Variants in TENM3 observed in about 807,000 individuals in gnomAD.
TENM3 encodes the protein teneurin transmembrane protein 3, also known as teneurin-3.
Under a neutral mutation model 255.1 loss-of-function variants are expected in TENM3, and 63 were observed. The observed-to-expected ratio is 0.25, with a 90% CI of 0.20 to 0.30. The LOEUF (loss-of-function observed/expected upper bound fraction) is 0.30. TENM3 is among the 10% of genes least tolerant of loss of function. The pLI is 1.00. For synonymous variants in TENM3, 1,306 were observed against 1,322.3 expected (o/e 0.99, Z 0.27); for missense variants, 2,929 against 3,461.1 (o/e 0.85, Z 3.86).
At chr4:182,349,931 T>C in intron 3 of TENM3, 1 of 261,884 alleles carries the variant, frequency 3.8e-6, no homozygotes, top group South Asian at 3.8e-5. Flanking sequence ...GGAAACGAAT[T>C]TAAGAGCCAG....
the TENM3 span, among the ~76,000 whole-genome samples, chr4:181,668,505 T>G: frequency 1.3e-5 from 2 of 152,036 alleles, no homozygotes; most frequent in Non-Finnish European, 2.9e-5. Context: ...CTGCTACGGG[T>G]CTCTCTCCTA....
intron 1 of TENM3, among the ~76,000 whole-genome samples, chr4:182,159,452 G>GTT (rs1184872626): frequency 2.3e-4 from 1 of 4,382 alleles, no homozygotes; most frequent in Non-Finnish European, 7.8e-4. Context: ...GTATGAGTGT[G>GTT]TGTGTGTGTG....
chr4:182,454,751 A>C (rs1370770172), intron 3 of TENM3, among the ~76,000 whole-genome samples: 1 of 152,192 alleles, frequency 6.6e-6, no homozygotes, highest in Non-Finnish European at 1.5e-5. Context: ...TTTTATATCA[A>C]CTCCAATAAA....
chr4:181,462,398 G>C, the TENM3 span, among the ~76,000 whole-genome samples: 810 of 152,270 alleles, frequency 5.3e-3, 7 homozygotes, highest in African/African-American at 0.018. Flanking sequence ...TACCAGTAAG[G>C]TGGTTTGGCT....
intron 1 of TENM3, among the ~76,000 whole-genome samples, chr4:182,243,930 G>A (rs1757460542): frequency 6.7e-6 from 1 of 148,382 alleles, no homozygotes; most frequent in South Asian, 2.1e-4. Context: ...TCCAAGAATG[G>A]AATCATTTGT....
chr4:182,714,618 TTC>T (rs1218045731), intron 13 of TENM3, among the ~76,000 whole-genome samples: 1 of 152,196 alleles, frequency 6.6e-6, no homozygotes, highest in Non-Finnish European at 1.5e-5. Context: ...TTCCAGCCTC[TTC>T]TGTTGAAAGG....
intron 1 of TENM3, among the ~76,000 whole-genome samples, chr4:182,197,689 G>A (rs1753917105): frequency 6.6e-6 from 1 of 152,198 alleles, no homozygotes; most frequent in African/African-American, 2.4e-5. Flanking sequence ...CTTTAGTTTT[G>A]TCAGATTTAG....
the TENM3 span, among the ~76,000 whole-genome samples, chr4:182,005,905 C>T: frequency 6.6e-6 from 1 of 152,034 alleles, no homozygotes; most frequent in Admixed American, 6.6e-5. Context: ...CTTCTGATTT[C>T]TGCACATTGA....
intron 1 of TENM3, among the ~76,000 whole-genome samples, chr4:182,271,551 C>T (rs991907626): frequency 6.6e-6 from 1 of 152,050 alleles, no homozygotes; most frequent in African/African-American, 2.4e-5. Context: ...CTAGTTTTCA[C>T]CTGAGTTAAG....
At chr4:182,761,563 T>C (rs1480763201) in intron 22 of TENM3, among the ~76,000 whole-genome samples, 1 of 152,084 alleles carries the variant, frequency 6.6e-6, no homozygotes, top group Non-Finnish European at 1.5e-5. Flanking sequence ...AAAAACTGCA[T>C]TAAAAACTGA....
rs557852267 is a variant in TENM3 at position 182,680,526 on chromosome 4, C to G, written c.1640-17C>G. On this transcript the variant is annotated splice_polypyrimidine_tract_variant and intron_variant, in intron 9 of 27. Transcript: ENST00000511685. ...GAAAGTGTGGCTGTAATTCTTCTGT[C>G]GTGTCTTGTTTCACAGCCGCCTGTC... 6.2e-7 allele frequency: 1 copy of G among 1,610,980 alleles called. No individual in the cohort carries two copies. Among genetic ancestry groups the G allele is most frequent in the Non-Finnish European group, 8.5e-7 (1 of 1,179,030 alleles).
the TENM3 span, among the ~76,000 whole-genome samples, chr4:181,992,475 A>G: frequency 6.6e-6 from 1 of 152,158 alleles, no homozygotes; most frequent in Admixed American, 6.6e-5. Context: ...ATTACTATGA[A>G]TGCCAACTGA....
At chr4:181,516,198 C>T in the TENM3 span, among the ~76,000 whole-genome samples, 1 of 151,710 alleles carries the variant, frequency 6.6e-6, no homozygotes, top group East Asian at 1.9e-4. Context: ...CACACTGTGG[C>T]CTGTTGGGGG....
At chr4:182,004,136 C>T in the TENM3 span, among the ~76,000 whole-genome samples, 365 of 152,108 alleles carry the variant, frequency 2.4e-3, 1 homozygote, top group African/African-American at 7.9e-3. Context: ...ATGTACAGAA[C>T]GTGCAGGCTT....
At chr4:182,619,182 C>T (rs1359767818) in intron 4 of TENM3, among the ~76,000 whole-genome samples, 1 of 152,202 alleles carries the variant, frequency 6.6e-6, no homozygotes, top group South Asian at 2.1e-4. Flanking sequence ...AATCGCAACA[C>T]TTTGGGAGGC....
chr4:181,715,607 A>C, the TENM3 span, among the ~76,000 whole-genome samples: 1 of 152,204 alleles, frequency 6.6e-6, no homozygotes, highest in Non-Finnish European at 1.5e-5. Context: ...AACGATTGTA[A>C]AATGCTGTTT....
the TENM3 span, among the ~76,000 whole-genome samples, chr4:181,789,160 TC>T: frequency 6.6e-6 from 1 of 152,140 alleles, no homozygotes; most frequent in Non-Finnish European, 1.5e-5. Flanking sequence ...GCTTCTAAAG[TC>T]CTTAGAATTT....
rs183451692 is a variant in TENM3, at chr4:182,462,713, C to A, written c.511+115784C>A. On this transcript the variant is annotated intron_variant, in intron 3 of 27. Coordinates refer to ENST00000511685, the MANE Select transcript of TENM3 (RefSeq NM_001080477.4). Reference sequence around the variant, plus strand: ...ACCAGGCTGGCCAACATGGTGAAACCCTGACTCTACTAAAAATACAAAAAT... The same window carrying A: ...ACCAGGCTGGCCAACATGGTGAAACACTGACTCTACTAAAAATACAAAAAT... 3.8e-3 allele frequency among the ~76,000 whole-genome samples: 579 copies of A among 151,736 alleles called. 2 individuals carry two copies. Among genetic ancestry groups the A allele is most frequent in the Non-Finnish European group, 6.8e-3 (459 of 67,898 alleles).
At position 182,362,665 on chromosome 4, in the gene TENM3, C is replaced by G. The variant is rs1766103501; in HGVS notation, c.511+15736C>G. On this transcript the variant is annotated intron_variant, in intron 3 of 27. Transcript: ENST00000511685. ...CCTAGGAAAGGGAACTCCATGACCC[C>G]TTGCACTTCCCGAGTGAGGCAATGC... Among the ~76,000 whole-genome samples, 6 of 152,316 alleles carry G rather than the reference C, an allele frequency of 3.9e-5. No individual in the cohort carries two copies. The South Asian group carries it at 1.2e-3, about 32-fold the overall frequency.
Sources: allele counts gnomAD v4.1 joint callset (sites outside exome capture counted in the v4.1 genomes callset), GRCh38; gene constraint gnomAD v4.1.1; transcripts MANE v1.5; gene names NCBI Gene and HGNC (gene_info 2026-07-23, HGNC 2026-07-21).